FAM237B: variants seen among roughly 807,000 people sequenced by gnomAD.
The protein encoded by FAM237B is protein FAM237B.
rs918196086 is a variant in FAM237B, at chr7:90,317,713, A to G, written c.*1616T>C. 3.3e-5 allele frequency: 5 copies of G among 152,180 alleles called. No homozygotes were observed. Among genetic ancestry groups the G allele is most frequent in the East Asian group, 1.9e-4 (1 of 5,200 alleles). The allele number at this position is 152,180 out of a possible 1,614,324, so 9.4% of individuals were successfully genotyped here. On this transcript the variant is annotated 3_prime_UTR_variant, in exon 3 of 3. Transcript: ENST00000692316. The stretch of plus-strand genomic sequence containing the variant: ...CATCATCAGAATTTGAAAGTGGTCA[A>G]TAATGCAAAGAACGTCCCTCCTTTA...
rs1178638556 is a variant in FAM237B at position 90,317,082 on chromosome 7, T to C, written c.*2247A>G. 6.6e-6 allele frequency: 1 copy of C among 151,888 alleles called. No individual in the cohort carries two copies. Among genetic ancestry groups the C allele is most frequent in the Middle Eastern group, 3.2e-3 (1 of 316 alleles). The allele number at this position is 151,888 out of a possible 1,614,324, so 9.4% of individuals were successfully genotyped here. A position where few individuals can be genotyped will look rare whatever the true frequency, so the allele number is the denominator to read the frequency against. On this transcript the variant is annotated 3_prime_UTR_variant, in exon 3 of 3. Transcript: ENST00000692316. ...AGGAAATGAATTCTAGGTGGATAGC[T>C]GTCAGGTCATTTTTTTTTTTTTAGA...
chr7:90,320,242 C>T (rs1795204562), intron 2 of FAM237B: 1 of 152,270 alleles, frequency 6.6e-6, no homozygotes, highest in African/African-American at 2.4e-5. Flanking sequence ...CCAAATGGTA[C>T]TAGATCTCAC....
In FAM237B at chr7:90,319,446, A is replaced by T. The variant is rs568986377; in HGVS notation, c.303T>A (p.Tyr101Ter). Residue 101 changes from tyrosine (Y) to a stop codon, truncating the protein, a stop_gained, in exon 3 of 3, where the codon TAT becomes TAA. Transcript: ENST00000692316. LOFTEE classifies it high-confidence loss of function. ...LNIAQDFWDM[Y>*]VDCLLSRSHG... ...GAGATCTTGAAAGCAAGCAGTCTAC[A>T]TACATGTCCCAGAAATCCTGAGCTA... The T allele has an allele frequency of 5.0e-6, 2 of 398,638 alleles. No individual in the cohort carries two copies. The highest frequency in any genetic ancestry group is 2.5e-4 in the South Asian group (2 of 7,864). The allele number at this position is 398,638 out of a possible 1,614,324, so 24.7% of individuals were successfully genotyped here. A position where few individuals can be genotyped will look rare whatever the true frequency, so the allele number is the denominator to read the frequency against.
rs983342094 is a variant in FAM237B, at chr7:90,317,004, T to A, written c.*2325A>T. Reference sequence around the variant, plus strand: ...CCACAGACTGTAAAAGAGAACTGTTTTTTTTGAGGAAAACTGTAATACTGC... The same window carrying A: ...CCACAGACTGTAAAAGAGAACTGTTATTTTTGAGGAAAACTGTAATACTGC... On this transcript the variant is annotated 3_prime_UTR_variant, in exon 3 of 3. Transcript: ENST00000692316. The A allele has an allele frequency of 6.6e-6, 1 of 152,188 alleles. No individual in the cohort carries two copies. The highest frequency in any genetic ancestry group is 2.4e-5 in the African/African-American group (1 of 41,448). The allele number at this position is 152,188 out of a possible 1,614,324, so 9.4% of individuals were successfully genotyped here.
rs1795000798 is a variant in FAM237B at position 90,318,272 on chromosome 7, A to T, written c.*1057T>A. ...CTTTTTGAAATAAGATGTGAGATAT[A>T]AATAGGCAATATAAAAAATAACTCA... is the stretch of plus-strand genomic sequence containing the variant. On this transcript the variant is annotated 3_prime_UTR_variant, in exon 3 of 3. Transcript: ENST00000692316. The T allele has an allele frequency of 6.6e-6, 1 of 152,214 alleles. No individual in the cohort carries two copies. Among genetic ancestry groups the T allele is most frequent in the Non-Finnish European group, 1.5e-5 (1 of 68,014 alleles). The allele number at this position is 152,214 out of a possible 1,614,324, so 9.4% of individuals were successfully genotyped here.
In FAM237B at chr7:90,317,660, A is replaced by C. The variant is rs542420226; in HGVS notation, c.*1669T>G. 6.6e-6 allele frequency: 1 copy of C among 152,186 alleles called. No homozygotes were observed. Among genetic ancestry groups the C allele is most frequent in the African/African-American group, 2.4e-5 (1 of 41,466 alleles). The allele number at this position is 152,186 out of a possible 1,614,324, so 9.4% of individuals were successfully genotyped here. On this transcript the variant is annotated 3_prime_UTR_variant, in exon 3 of 3. Coordinates refer to ENST00000692316, the MANE Select transcript of FAM237B (RefSeq NM_001384237.2). ...AAAATGTAATTTTAAGAGTGTTTAT[A>C]TATAAAACCCCTAATAAATGGTCTA...
chr7:90,317,182 G>T lies in FAM237B; in HGVS notation c.*2147C>A, dbSNP rs777146885. 1 of 151,862 alleles carries T rather than the reference G, an allele frequency of 6.6e-6. No homozygotes were observed. Among genetic ancestry groups the T allele is most frequent in the Non-Finnish European group, 1.5e-5 (1 of 67,972 alleles). 9.4% of individuals were successfully genotyped at this position (151,862 alleles called of 1,614,324 possible). On this transcript the variant is annotated 3_prime_UTR_variant, in exon 3 of 3. Transcript: ENST00000692316. Reference sequence around the variant, plus strand: ...GAAAGGACAGGAAAGTTCTTGGCAAGATTAACTCAACTTTTTACTCCTGTC... The same window carrying T: ...GAAAGGACAGGAAAGTTCTTGGCAATATTAACTCAACTTTTTACTCCTGTC...
Position 90,316,832 on chromosome 7 carries a change from T to C in FAM237B, c.*2497A>G, listed in dbSNP as rs1794847483. On this transcript the variant is annotated 3_prime_UTR_variant, in exon 3 of 3. Coordinates refer to ENST00000692316, the MANE Select transcript of FAM237B (RefSeq NM_001384237.2). Reference sequence around the variant, plus strand: ...CCATTAACTGGAAGACTAATTTTATTGATTTAAGCTAAAATGTTTATCATC... The same window carrying C: ...CCATTAACTGGAAGACTAATTTTATCGATTTAAGCTAAAATGTTTATCATC... 6.6e-6 allele frequency: 1 copy of C among 152,198 alleles called. No homozygotes were observed. 9.4% of individuals were successfully genotyped at this position (152,198 alleles called of 1,614,324 possible).
In FAM237B at chr7:90,319,242, A is replaced by C. The variant is rs1235883246; in HGVS notation, c.*87T>G. The C allele has an allele frequency of 2.5e-6, 1 of 397,246 alleles. No individual in the cohort carries two copies. The highest frequency in any genetic ancestry group is 4.4e-6 in the Non-Finnish European group (1 of 225,652). The allele number at this position is 397,246 out of a possible 1,614,324, so 24.6% of individuals were successfully genotyped here. On this transcript the variant is annotated 3_prime_UTR_variant, in exon 3 of 3. Coordinates refer to ENST00000692316, the MANE Select transcript of FAM237B (RefSeq NM_001384237.2). ...AAAACCTATCATTTTAGGGAAAAAA[A>C]CTAAATATGGTAAATTTGCTACCTT...
In FAM237B at chr7:90,319,238, A is replaced by T. The variant is rs1009046977; in HGVS notation, c.*91T>A. On this transcript the variant is annotated 3_prime_UTR_variant, in exon 3 of 3. Transcript: ENST00000692316. ...AATCAAAACCTATCATTTTAGGGAA[A>T]AAAACTAAATATGGTAAATTTGCTA... The T allele has an allele frequency of 1.2e-4, 47 of 397,182 alleles. No individual in the cohort carries two copies. The highest frequency in any genetic ancestry group is 8.4e-4 in the African/African-American group (41 of 48,632). The allele number at this position is 397,182 out of a possible 1,614,324, so 24.6% of individuals were successfully genotyped here.
chr7:90,317,520 T>TTTTTTTTTTTTTTTTG lies in FAM237B; in HGVS notation c.*1808_*1809insCAAAAAAAAAAAAAAA, dbSNP rs1554390233. On this transcript the variant is annotated 3_prime_UTR_variant, in exon 3 of 3. Transcript: ENST00000692316. ...AATTATTAGCCCTACAATCTTATAT[T>TTTTTTTTTTTTTTTTG]ATCTGCTACTCATGCAAAATTGGTT... 1.3e-5 allele frequency: 2 copies of TTTTTTTTTTTTTTTTG among 152,030 alleles called. No homozygotes were observed. The highest frequency in any genetic ancestry group is 4.8e-5 in the African/African-American group (2 of 41,416). 9.4% of individuals were successfully genotyped at this position (152,030 alleles called of 1,614,324 possible). A position where few individuals can be genotyped will look rare whatever the true frequency, so the allele number is the denominator to read the frequency against.
intron 2 of FAM237B, 53 bp from the exon 3 acceptor site, chr7:90,319,804 A>T: frequency 2.5e-6 from 1 of 398,134 alleles, no homozygotes. Context: ...AAAGTTATTC[A>T]ATCACTTGAT....
At position 90,319,472 on chromosome 7, in the gene FAM237B, T is replaced by C. The variant is rs548282832; in HGVS notation, c.277A>G (p.Ile93Val). 1 of 398,592 alleles carries C rather than the reference T, an allele frequency of 2.5e-6. No individual in the cohort carries two copies. The highest frequency in any genetic ancestry group is 4.4e-5 in the Admixed American group (1 of 22,736). 24.7% of individuals were successfully genotyped at this position (398,592 alleles called of 1,614,324 possible). Residue 93 changes from isoleucine (I) to valine (V), a missense_variant, in exon 3 of 3, where the codon ATA becomes GTA. Coordinates refer to ENST00000692316, the MANE Select transcript of FAM237B (RefSeq NM_001384237.2). The stretch of plus-strand genomic sequence containing the variant: ...TACATGTCCCAGAAATCCTGAGCTA[T>C]GTTTAAGAAGACATTATAATGTCCA... ...RPGHYNVFLN[I>V]AQDFWDMYVD...
At chr7:90,320,463 C>G (rs190254458) in intron 2 of FAM237B, 133 of 152,356 alleles carry the variant, frequency 8.7e-4, no homozygotes, top group African/African-American at 3.1e-3. Context: ...TCAGCAAAAT[C>G]TTGACATTTT....
Position 90,319,092 on chromosome 7 carries a change from T to C in FAM237B, c.*237A>G. The C allele has an allele frequency of 3.2e-6, 1 of 313,944 alleles. No homozygotes were observed. The highest frequency in any genetic ancestry group is 5.7e-6 in the Non-Finnish European group (1 of 173,946). 19.4% of individuals were successfully genotyped at this position (313,944 alleles called of 1,614,324 possible). On this transcript the variant is annotated 3_prime_UTR_variant, in exon 3 of 3. Coordinates refer to ENST00000692316, the MANE Select transcript of FAM237B (RefSeq NM_001384237.2). Reference sequence around the variant, plus strand: ...GGTTAAATGGCTTTCTTATGAACTATTCATGGGCAAACAAGGATAATTTTA... The same window carrying C: ...GGTTAAATGGCTTTCTTATGAACTACTCATGGGCAAACAAGGATAATTTTA...
At position 90,318,048 on chromosome 7, in the gene FAM237B, T is replaced by C. The variant is rs1265593536; in HGVS notation, c.*1281A>G. On this transcript the variant is annotated 3_prime_UTR_variant, in exon 3 of 3. Coordinates refer to ENST00000692316, the MANE Select transcript of FAM237B (RefSeq NM_001384237.2). ...AAACTGTTCATGTGTCCCTCTTCAC[T>C]AGGAGAAGTGGGAAACAGACCAAAT... 1 of 152,192 alleles carries C rather than the reference T, an allele frequency of 6.6e-6. No homozygotes were observed. The highest frequency in any genetic ancestry group is 2.4e-5 in the African/African-American group (1 of 41,464). 9.4% of individuals were successfully genotyped at this position (152,192 alleles called of 1,614,324 possible). A position where few individuals can be genotyped will look rare whatever the true frequency, so the allele number is the denominator to read the frequency against.
At position 90,318,123 on chromosome 7, in the gene FAM237B, A is replaced by G. The variant is rs1487282930; in HGVS notation, c.*1206T>C. On this transcript the variant is annotated 3_prime_UTR_variant, in exon 3 of 3. Transcript: ENST00000692316. The stretch of plus-strand genomic sequence containing the variant: ...ATAGGCTTTTACGACATGCATTCAA[A>G]AAGTATTAATCTAAACCGTAACTCC... The G allele has an allele frequency of 6.6e-6, 1 of 152,194 alleles. No homozygotes were observed. Among genetic ancestry groups the G allele is most frequent in the African/African-American group, 2.4e-5 (1 of 41,464 alleles). 9.4% of individuals were successfully genotyped at this position (152,194 alleles called of 1,614,324 possible). A position where few individuals can be genotyped will look rare whatever the true frequency, so the allele number is the denominator to read the frequency against.
rs1049779173 is a variant in FAM237B at position 90,318,564 on chromosome 7, TAA to T, written c.*763_*764del. 13 of 152,244 alleles carry T rather than the reference TAA, an allele frequency of 8.5e-5. No individual in the cohort carries two copies. The highest frequency in any genetic ancestry group is 3.1e-4 in the African/African-American group (13 of 41,580). 9.4% of individuals were successfully genotyped at this position (152,244 alleles called of 1,614,324 possible). A position where few individuals can be genotyped will look rare whatever the true frequency, so the allele number is the denominator to read the frequency against. ...CAGTTTAATAGTCAATATTAATATA[TAA>T]GATACCTTATAAAATTGGTTACAAT... On this transcript the variant is annotated 3_prime_UTR_variant, in exon 3 of 3. Transcript: ENST00000692316.
Position 90,318,019 on chromosome 7 carries a change from C to T in FAM237B, c.*1310G>A, listed in dbSNP as rs571645747. 1 of 152,294 alleles carries T rather than the reference C, an allele frequency of 6.6e-6. No homozygotes were observed. Among genetic ancestry groups the T allele is most frequent in the African/African-American group, 2.4e-5 (1 of 41,576 alleles). The allele number at this position is 152,294 out of a possible 1,614,324, so 9.4% of individuals were successfully genotyped here. ...TGGTTTTTCTTATAAGCATGTGAAT[C>T]TTGAAACTGTTCATGTGTCCCTCTT... On this transcript the variant is annotated 3_prime_UTR_variant, in exon 3 of 3. Coordinates refer to ENST00000692316, the MANE Select transcript of FAM237B (RefSeq NM_001384237.2).
Sources: gnomAD v4.1 joint callset for allele counts on GRCh38, gnomAD v4.1.1 for gene constraint, MANE v1.5 for transcripts, NCBI Gene and HGNC (gene_info 2026-07-23, HGNC 2026-07-21) for gene names.